Variants in C1QTNF7 observed in about 807,000 individuals in gnomAD.
C1QTNF7 encodes the protein C1q and TNF related 7.
C1QTNF7 carries 15 observed loss-of-function variants against 19.6 expected under a neutral mutation model. That is an observed-to-expected ratio of 0.76 (90% confidence interval 0.51 to 1.18). The LOEUF (loss-of-function observed/expected upper bound fraction) is 1.18. Ranked by LOEUF, C1QTNF7 falls within the 50% of genes most tolerant of loss-of-function variation. The pLI, the probability that C1QTNF7 is intolerant of heterozygous loss-of-function variation, is 0.00. For synonymous variants in C1QTNF7, 142 were observed against 137.5 expected (o/e 1.03, Z -0.23); for missense variants, 324 against 359.7 (o/e 0.90, Z 0.80).
intron 1 of C1QTNF7, among the ~76,000 whole-genome samples, chr4:15,433,048 C>T (rs1348863894): frequency 6.6e-6 from 1 of 152,170 alleles, no homozygotes; most frequent in Non-Finnish European, 1.5e-5. Context: ...CCTGCATCAC[C>T]ATGTCTGAGA....
intron 1 of C1QTNF7, among the ~76,000 whole-genome samples, chr4:15,435,095 G>A (rs145334215): frequency 6.6e-6 from 1 of 152,188 alleles, no homozygotes; most frequent in Non-Finnish European, 1.5e-5. Flanking sequence ...TGTCTAGCAT[G>A]ATGTTCATAT....
intron 1 of C1QTNF7, among the ~76,000 whole-genome samples, chr4:15,432,426 G>A (rs1339546315): frequency 6.6e-6 from 1 of 152,108 alleles, no homozygotes; most frequent in Non-Finnish European, 1.5e-5. Context: ...GACAGGGTCT[G>A]GCTCTGTTGC....
At position 15,445,295 on chromosome 4, in the gene C1QTNF7, A is replaced by G. The variant is rs955097751; in HGVS notation, c.*2496A>G. 1.3e-5 allele frequency: 2 copies of G among 152,276 alleles called. No homozygotes were observed. Among genetic ancestry groups the G allele is most frequent in the African/African-American group, 4.8e-5 (2 of 41,472 alleles). 9.4% of individuals were successfully genotyped at this position (152,276 alleles called of 1,614,324 possible). ...CCAACAGAAGTAACTAATCCGGGAAAAGTGAACATATGGGCCCTTTAAAGA... is the reference window on the plus strand; with the variant it reads ...CCAACAGAAGTAACTAATCCGGGAAGAGTGAACATATGGGCCCTTTAAAGA... On this transcript the variant is annotated 3_prime_UTR_variant, in exon 3 of 3. Transcript: ENST00000444304.
rs150660286 is a variant in C1QTNF7, at chr4:15,400,629, C to G, written c.14-35107C>G. The stretch of plus-strand genomic sequence containing the variant: ...TCTGCTCTGATCCATACCTTCCAGC[C>G]AGACCTCATGACCTTCTCAATTCCC... On this transcript the variant is annotated intron_variant, in intron 1 of 2. Coordinates refer to the C1QTNF7 transcript ENST00000295297. Among the ~76,000 whole-genome samples the G allele has an allele frequency of 2.0e-5, 3 of 152,288 alleles. No individual in the cohort carries two copies. The East Asian group carries it at 5.8e-4, about 29-fold the overall frequency.
chr4:15,390,250 A>C (rs891147510), intron 1 of C1QTNF7, among the ~76,000 whole-genome samples: 7 of 152,230 alleles, frequency 4.6e-5, no homozygotes, highest in African/African-American at 1.7e-4. Flanking sequence ...TTCGGTCCAC[A>C]GGAAAGCCAC....
At chr4:15,385,014 G>A (rs138561437) in intron 1 of C1QTNF7, among the ~76,000 whole-genome samples, 21 of 152,332 alleles carry the variant, frequency 1.4e-4, no homozygotes, top group African/African-American at 2.6e-4. Context: ...AGGAGCTTGC[G>A]ATTTCTTGAA....
At chr4:15,345,293 C>T (rs1055658407) in intron 1 of C1QTNF7, among the ~76,000 whole-genome samples, 2 of 152,176 alleles carry the variant, frequency 1.3e-5, no homozygotes, top group East Asian at 1.9e-4. Context: ...CTTTGGAATC[C>T]GTGTATTCTG....
At chr4:15,349,131 C>T (rs1327649068) in intron 1 of C1QTNF7, among the ~76,000 whole-genome samples, 1 of 152,206 alleles carries the variant, frequency 6.6e-6, no homozygotes, top group Non-Finnish European at 1.5e-5. Flanking sequence ...TCTTGCCACA[C>T]AGGACTTGAG....
intron 1 of C1QTNF7, among the ~76,000 whole-genome samples, chr4:15,433,608 T>A (rs1426807996): frequency 3.3e-5 from 5 of 152,144 alleles, no homozygotes; most frequent in Admixed American, 2.6e-4. Context: ...TCTCTTCCTG[T>A]CAAATAGCAA....
intron 1 of C1QTNF7, among the ~76,000 whole-genome samples, chr4:15,404,962 A>G (rs567124864): frequency 1.2e-4 from 19 of 152,334 alleles, no homozygotes; most frequent in African/African-American, 4.8e-5. Flanking sequence ...CAGAACTTCA[A>G]TGATTTGCAT....
At chr4:15,412,483 C>T (rs578261647) in intron 1 of C1QTNF7, among the ~76,000 whole-genome samples, 21 of 152,208 alleles carry the variant, frequency 1.4e-4, no homozygotes, top group Non-Finnish European at 2.9e-4. Flanking sequence ...CATTGTTTCC[C>T]TCTCCTTCCA....
intron 1 of C1QTNF7, among the ~76,000 whole-genome samples, chr4:15,396,055 C>T (rs1307749426): frequency 5.9e-5 from 9 of 152,122 alleles, no homozygotes; most frequent in Non-Finnish European, 1.2e-4. Context: ...CAGGTCAGAG[C>T]AAAGCTGCAA....
At chr4:15,431,103 T>C (rs548275350) in intron 1 of C1QTNF7, among the ~76,000 whole-genome samples, 1 of 152,022 alleles carries the variant, frequency 6.6e-6, no homozygotes, top group South Asian at 2.1e-4. Flanking sequence ...GATAGATAGA[T>C]AGATTCATTG....
At chr4:15,410,330 G>A (rs1205791683) in intron 1 of C1QTNF7, among the ~76,000 whole-genome samples, 1 of 152,110 alleles carries the variant, frequency 6.6e-6, no homozygotes, top group African/African-American at 2.4e-5. Flanking sequence ...TTTCACAATG[G>A]ATACCAGCAT....
At position 15,342,361 on chromosome 4, in the gene C1QTNF7, G is replaced by A. The variant is rs115083235; in HGVS notation, c.13+2154G>A. On this transcript the variant is annotated intron_variant, in intron 1 of 2. Coordinates refer to the C1QTNF7 transcript ENST00000295297. ...GGACCTGAAATGCCCCAAGGTTAGG[G>A]ATCAATGGCTGATGGGCTAGAAAAA... Among the ~76,000 whole-genome samples the A allele has an allele frequency of 5.9e-3, 904 of 152,320 alleles. 4 individuals are homozygous for A. The highest frequency in any genetic ancestry group is 0.014 in the Middle Eastern group (4 of 294).
intron 1 of C1QTNF7, among the ~76,000 whole-genome samples, chr4:15,398,866 A>G (rs148841844): frequency 2.0e-5 from 3 of 152,316 alleles, no homozygotes; most frequent in East Asian, 3.9e-4. Context: ...AATCAAGTGC[A>G]TGACTCCACC....
rs181266461 is a variant in C1QTNF7 at position 15,410,796 on chromosome 4, C to G, written c.14-24940C>G. 1.2e-3 allele frequency among the ~76,000 whole-genome samples: 187 copies of G among 152,286 alleles called. 1 individual carries two copies. The highest frequency in any genetic ancestry group is 8.1e-4 in the Non-Finnish European group (55 of 68,022). ...TATGCTTTCTCTCTGGTTTTCAGAACTATTAGGGGAACAAATCTTTTGCAA... is the reference window on the plus strand; with the variant it reads ...TATGCTTTCTCTCTGGTTTTCAGAAGTATTAGGGGAACAAATCTTTTGCAA... On this transcript the variant is annotated intron_variant, in intron 1 of 2. Transcript: ENST00000295297.
intron 1 of C1QTNF7, among the ~76,000 whole-genome samples, chr4:15,351,969 G>A (rs997652134): frequency 6.6e-6 from 1 of 152,134 alleles, no homozygotes; most frequent in African/African-American, 2.4e-5. Context: ...GTTAGCAAAG[G>A]CAGTATAATT....
At chr4:15,380,233 ATTGTAT>A (rs1009417195) in intron 1 of C1QTNF7, among the ~76,000 whole-genome samples, 13 of 152,224 alleles carry the variant, frequency 8.5e-5, no homozygotes, top group African/African-American at 3.1e-4. Context: ...ATCAGCTAGG[ATTGTAT>A]TTGTAAGTAT....
Sources: gnomAD v4.1 joint callset for allele counts (sites outside exome capture counted in the v4.1 genomes callset) on GRCh38, gnomAD v4.1.1 for gene constraint, MANE v1.5 for transcripts, NCBI Gene and HGNC (gene_info 2026-07-23, HGNC 2026-07-21) for gene names.